Variants in WWOX observed in about 807,000 individuals in gnomAD.
WWOX encodes WW domain-containing oxidoreductase.
In WWOX, 69 loss-of-function variants were observed where a neutral mutation model predicts 46.2. The ratio of observed to expected loss-of-function variants is 1.49; its 90% CI spans 1.23 to 1.82. The LOEUF is 1.82. Ranked by LOEUF, WWOX falls within the 40% of genes most tolerant of loss-of-function variation. The pLI is 0.00. For synonymous variants in WWOX, 359 were observed against 202.6 expected, an observed-to-expected ratio of 1.77 and a Z score of -6.56; for missense variants, 919 against 542.6, an observed-to-expected ratio of 1.69 and a Z score of -6.89.
intron 8 of WWOX, among the ~76,000 whole-genome samples, chr16:79,011,693 G>C (rs894326044): frequency 6.6e-6 from 1 of 151,456 alleles, no homozygotes; most frequent in Admixed American, 6.6e-5. Context: ...AGTTTTTGCC[G>C]TGTTGCCGAG....
intron 8 of WWOX, among the ~76,000 whole-genome samples, chr16:79,094,250 T>C (rs542180051): frequency 3.9e-5 from 6 of 152,048 alleles, no homozygotes; most frequent in East Asian, 3.9e-4. Context: ...TTTCTTTTTT[T>C]TTTTTTTTTC....
At chr16:78,321,342 ATATATACG>A (rs1567499163) in intron 5 of WWOX, among the ~76,000 whole-genome samples, 2 of 53,408 alleles carry the variant, frequency 3.7e-5, no homozygotes, top group African/African-American at 2.1e-4. Flanking sequence ...ATATGCGTAT[ATATATACG>A]TATATATGCG....
At chr16:78,970,243 C>T (rs780317545) in intron 8 of WWOX, among the ~76,000 whole-genome samples, 16 of 152,186 alleles carry the variant, frequency 1.1e-4, no homozygotes, top group Non-Finnish European at 1.6e-4. Flanking sequence ...GGTGTTGGCT[C>T]TCAGTTAGAG....
At position 78,372,152 on chromosome 16, in the gene WWOX, G is replaced by A. The variant is rs2081705697; in HGVS notation, c.517-14708G>A. Among the ~76,000 whole-genome samples, 3 of 152,198 alleles carry A rather than the reference G, an allele frequency of 2.0e-5. No individual in the cohort carries two copies. In the South Asian group the frequency reaches 6.2e-4, roughly 32 times the overall value. ...CAGGGATTTTTGTGAACAGCTGGTA[G>A]TCTCCATTACAGTTCTCACATCTGG... On this transcript the variant is annotated intron_variant, in intron 5 of 8. Coordinates refer to ENST00000566780, the MANE Select transcript of WWOX (RefSeq NM_016373.4).
At chr16:78,880,445 G>A (rs532576485) in intron 8 of WWOX, among the ~76,000 whole-genome samples, 3 of 152,332 alleles carry the variant, frequency 2.0e-5, no homozygotes, top group East Asian at 1.9e-4. Context: ...GTATACGAAA[G>A]TATATAGCTG....
chr16:78,212,102 C>T (rs746951490), intron 5 of WWOX, among the ~76,000 whole-genome samples: 10 of 152,122 alleles, frequency 6.6e-5, no homozygotes, highest in Non-Finnish European at 1.3e-4. Flanking sequence ...AATGCAGGGC[C>T]GGGAACTGCC....
rs144767102 is a variant in WWOX at position 79,208,926 on chromosome 16, A to G, written c.1057-2682A>G. ...TAATTGTCCAGCAAGGGAGGAAAGT[A>G]GAGTGAGTACCCATGAGCACCAAGC... On this transcript the variant is annotated intron_variant, in intron 8 of 8. Coordinates refer to ENST00000566780, the MANE Select transcript of WWOX (RefSeq NM_016373.4). Among the ~76,000 whole-genome samples the G allele has an allele frequency of 1.8e-3, 276 of 152,356 alleles. 2 individuals are homozygous for G. The highest frequency in any genetic ancestry group is 2.8e-3 in the Non-Finnish European group (192 of 68,038).
Position 78,348,377 on chromosome 16 carries a change from A to AGG in WWOX, c.517-38479_517-38478dup, listed in dbSNP as rs773137103. 4.0e-4 allele frequency among the ~76,000 whole-genome samples: 48 copies of AGG among 121,294 alleles called. 15 individuals are homozygous for AGG. The highest frequency in any genetic ancestry group is 7.7e-4 in the Non-Finnish European group (39 of 50,600). The allele number at this position is 121,294 out of a possible 152,430, so 79.6% of individuals were successfully genotyped here. A position where few individuals can be genotyped will look rare whatever the true frequency, so the allele number is the denominator to read the frequency against. ...CCCAGCAGATAGCTTGAGGGTGGGA[A>AGG]GGGGGATAGGTTGTTGATAATATGG... On this transcript the variant is annotated intron_variant, in intron 5 of 8. Transcript: ENST00000566780.
chr16:78,906,322 C>G (rs1340786018), intron 8 of WWOX, among the ~76,000 whole-genome samples: 1 of 152,150 alleles, frequency 6.6e-6, no homozygotes, highest in South Asian at 2.1e-4. Context: ...AATAAGATGA[C>G]TTTGTTACTG....
intron 5 of WWOX, among the ~76,000 whole-genome samples, chr16:78,348,157 A>C (rs34230267): frequency 8.2e-6 from 1 of 121,564 alleles, no homozygotes; most frequent in African/African-American, 2.8e-5. Flanking sequence ...GTCTAGAGTC[A>C]ACATGAAAAT....
At chr16:78,448,575 A>G (rs1296310806) in intron 8 of WWOX, among the ~76,000 whole-genome samples, 1 of 152,156 alleles carries the variant, frequency 6.6e-6, no homozygotes, top group Non-Finnish European at 1.5e-5. Context: ...AGTGTCAAGC[A>G]GTACAGGCTT....
At chr16:78,310,787 T>C (rs910412573) in intron 5 of WWOX, among the ~76,000 whole-genome samples, 1 of 152,230 alleles carries the variant, frequency 6.6e-6, no homozygotes, top group African/African-American at 2.4e-5. Flanking sequence ...CAGCCCATTT[T>C]CATCTCTTTT....
chr16:78,434,387 C>A (rs970773269), intron 8 of WWOX, among the ~76,000 whole-genome samples: 1 of 152,130 alleles, frequency 6.6e-6, no homozygotes, highest in Non-Finnish European at 1.5e-5. Context: ...ATAAGCGCAG[C>A]CTCTTCATGA....
At chr16:78,507,444 C>T (rs1381388736) in intron 8 of WWOX, among the ~76,000 whole-genome samples, 2 of 152,186 alleles carry the variant, frequency 1.3e-5, no homozygotes, top group Non-Finnish European at 2.9e-5. Context: ...TTTTACAGCT[C>T]TGGCATTTCT....
intron 8 of WWOX, among the ~76,000 whole-genome samples, chr16:78,954,890 A>G (rs1370717159): frequency 6.6e-6 from 1 of 152,136 alleles, no homozygotes; most frequent in East Asian, 1.9e-4. Context: ...CCTGGACTCA[A>G]GAGATCCTCC....
At chr16:78,367,515 G>T (rs776312531) in intron 5 of WWOX, among the ~76,000 whole-genome samples, 2 of 152,116 alleles carry the variant, frequency 1.3e-5, no homozygotes, top group African/African-American at 2.4e-5. Flanking sequence ...GAAGCCAAAA[G>T]ATTGGACACC....
intron 6 of WWOX, among the ~76,000 whole-genome samples, chr16:78,415,240 C>T (rs1260035690): frequency 6.6e-6 from 1 of 151,966 alleles, no homozygotes; most frequent in African/African-American, 2.4e-5. Context: ...CTTGATGTTG[C>T]CATGGCATGT....
At chr16:78,723,304 A>G (rs998879338) in intron 8 of WWOX, among the ~76,000 whole-genome samples, 1 of 152,154 alleles carries the variant, frequency 6.6e-6, no homozygotes, top group East Asian at 1.9e-4. Flanking sequence ...ATCATGAAGC[A>G]TGGTCTCTTG....
intron 8 of WWOX, chr16:79,204,253 AT>A (rs2051435528): frequency 6.6e-6 from 1 of 152,150 alleles, no homozygotes; most frequent in African/African-American, 2.4e-5. Flanking sequence ...GATATAAGAC[AT>A]CATCAACAAT....
Sources: allele counts gnomAD v4.1 joint callset (sites outside exome capture counted in the v4.1 genomes callset), GRCh38; gene constraint gnomAD v4.1.1; transcripts MANE v1.5; gene names NCBI Gene and HGNC (gene_info 2026-07-23, HGNC 2026-07-21).